The following ZSWIM5 variants were observed in gnomAD, a reference collection of about 807,000 sequenced individuals.
ZSWIM5 encodes zinc finger SWIM domain-containing protein 5.
A neutral mutation model predicts 119.6 loss-of-function variants in ZSWIM5; 55 were observed. The observed-to-expected ratio is 0.46, with a 90% CI of 0.37 to 0.58. The LOEUF (loss-of-function observed/expected upper bound fraction) is 0.58, where lower values mean the gene tolerates loss of function less well. ZSWIM5 is among the 20% of genes least tolerant of loss of function. ZSWIM5 has a pLI of 0.00. For missense variants in ZSWIM5, 1,193 were observed against 1,512.8 expected (o/e 0.79, Z 3.51); for synonymous variants, 537 against 606.9 (o/e 0.88, Z 1.69).
chr1:45,188,228 G>A (rs1317352958), intron 1 of ZSWIM5, among the ~76,000 whole-genome samples: 3 of 152,128 alleles, frequency 2.0e-5, no homozygotes, highest in Admixed American at 2.0e-4. Context: ...TAAACAAAAT[G>A]TGGTATATCC....
intron 5 of ZSWIM5, among the ~76,000 whole-genome samples, chr1:45,048,193 C>G (rs562271937): frequency 1.3e-5 from 2 of 150,980 alleles, no homozygotes; most frequent in African/African-American, 4.9e-5. Flanking sequence ...AAGCAATCCA[C>G]GATACCTGGC....
intron 5 of ZSWIM5, among the ~76,000 whole-genome samples, chr1:45,049,756 G>A (rs541238725): frequency 3.9e-5 from 6 of 152,188 alleles, no homozygotes; most frequent in South Asian, 2.1e-4. Flanking sequence ...AGAGGTTGCA[G>A]TGAGCCGAGA....
chr1:45,098,044 T>C (rs1276825163), intron 1 of ZSWIM5, among the ~76,000 whole-genome samples: 1 of 152,034 alleles, frequency 6.6e-6, no homozygotes, highest in Non-Finnish European at 1.5e-5. Context: ...GGTGAAAGGA[T>C]GGAGAATGGC....
chr1:45,205,650 A>G, intron 1 of ZSWIM5, 106 bp downstream of exon 1: 7 of 1,220,890 alleles, frequency 5.7e-6, no homozygotes, highest in Non-Finnish European at 7.5e-6. Context: ...GCAGGGGTAC[A>G]GGAGTTGGGC....
At chr1:45,076,239 T>A (rs372033237) in intron 2 of ZSWIM5, among the ~76,000 whole-genome samples, 2 of 152,306 alleles carry the variant, frequency 1.3e-5, no homozygotes, top group East Asian at 1.9e-4. Flanking sequence ...TTTCTTATTG[T>A]TCATTAACAT....
chr1:45,081,244 T>G (rs929420953), intron 2 of ZSWIM5, among the ~76,000 whole-genome samples: 1 of 65,766 alleles, frequency 1.5e-5, no homozygotes, highest in African/African-American at 1.1e-4. Context: ...TCTAGCTCCC[T>G]CTCCCTCTCC....
chr1:45,181,508 G>C (rs992817287), intron 1 of ZSWIM5, among the ~76,000 whole-genome samples: 14 of 148,732 alleles, frequency 9.4e-5, no homozygotes, highest in African/African-American at 2.0e-4. Flanking sequence ...GGAAAACACT[G>C]TGCAGGATAT....
chr1:45,092,942 A>G (rs1645377287), intron 1 of ZSWIM5, among the ~76,000 whole-genome samples: 1 of 151,634 alleles, frequency 6.6e-6, no homozygotes, highest in Non-Finnish European at 1.5e-5. Context: ...AATAAATCCT[A>G]TCTATCTATC....
chr1:45,027,634 G>A (rs1414426683), intron 11 of ZSWIM5, among the ~76,000 whole-genome samples: 1 of 152,076 alleles, frequency 6.6e-6, no homozygotes, highest in Non-Finnish European at 1.5e-5. Context: ...GACCTCATAT[G>A]ATTGCCTCGG....
chr1:45,097,557 G>C (rs953629349), intron 1 of ZSWIM5, among the ~76,000 whole-genome samples: 1 of 152,168 alleles, frequency 6.6e-6, no homozygotes, highest in African/African-American at 2.4e-5. Context: ...AAGAAGTTAC[G>C]TGATTTGCCC....
At chr1:45,159,578 A>G (rs1645850668) in intron 1 of ZSWIM5, among the ~76,000 whole-genome samples, 1 of 152,046 alleles carries the variant, frequency 6.6e-6, no homozygotes, top group Non-Finnish European at 1.5e-5. Context: ...GAGGTTATTG[A>G]GATATGATTA....
At chr1:45,026,341 T>C (rs1323396495) in intron 11 of ZSWIM5, among the ~76,000 whole-genome samples, 1 of 152,144 alleles carries the variant, frequency 6.6e-6, no homozygotes, top group Non-Finnish European at 1.5e-5. Flanking sequence ...AGCCGGTAAT[T>C]GTAGGTTTTT....
intron 1 of ZSWIM5, among the ~76,000 whole-genome samples, chr1:45,107,240 T>G (rs1258645414): frequency 6.6e-6 from 1 of 152,110 alleles, no homozygotes; most frequent in Non-Finnish European, 1.5e-5. Context: ...GAGATGTTAT[T>G]TTCGTTATTT....
chr1:45,020,518 G>T, intron 12 of ZSWIM5, 107 bp downstream of exon 12: 1 of 1,331,708 alleles, frequency 7.5e-7, no homozygotes, highest in Non-Finnish European at 1.0e-6. Flanking sequence ...TGGGCCCAAA[G>T]GAAGAGCCAG....
chr1:45,118,002 G>C (rs1178991714), intron 1 of ZSWIM5, among the ~76,000 whole-genome samples: 1 of 151,972 alleles, frequency 6.6e-6, no homozygotes, highest in Non-Finnish European at 1.5e-5. Context: ...CTGGGAGGCA[G>C]AGCTTGCAGA....
chr1:45,175,782 A>C (rs2997465), intron 1 of ZSWIM5, among the ~76,000 whole-genome samples: 50,022 of 151,510 alleles, frequency 0.33, 9,571 homozygotes, highest in African/African-American at 0.52. Flanking sequence ...GACACAATGA[A>C]CTCATGGGTT....
chr1:45,075,656 C>A (rs1227768174), intron 2 of ZSWIM5, among the ~76,000 whole-genome samples: 1 of 151,856 alleles, frequency 6.6e-6, no homozygotes, highest in Non-Finnish European at 1.5e-5. Flanking sequence ...TTTTTTTAAT[C>A]CATCCAGCCA....
intron 2 of ZSWIM5, among the ~76,000 whole-genome samples, chr1:45,069,502 C>G (rs778905451): frequency 5.3e-5 from 8 of 151,794 alleles, no homozygotes; most frequent in Admixed American, 2.0e-4. Context: ...TTCCTTACCT[C>G]TGTTTTCTAT....
intron 1 of ZSWIM5, among the ~76,000 whole-genome samples, chr1:45,179,405 G>C (rs1371277286): frequency 6.6e-6 from 1 of 152,044 alleles, no homozygotes; most frequent in Non-Finnish European, 1.5e-5. Flanking sequence ...GGCATATGTG[G>C]TTGTAAAAAT....
Sources: gnomAD v4.1 joint callset for allele counts (sites outside exome capture counted in the v4.1 genomes callset) on GRCh38, gnomAD v4.1.1 for gene constraint, MANE v1.5 for transcripts, NCBI Gene and HGNC (gene_info 2026-07-23, HGNC 2026-07-21) for gene names.